The following RASGEF1C variants were observed in gnomAD, a reference collection of about 807,000 sequenced individuals.
The protein encoded by RASGEF1C is RasGEF domain family member 1C.
RASGEF1C carries 27 observed loss-of-function variants against 58.1 expected under a neutral mutation model. That is an observed-to-expected ratio of 0.46 (90% CI 0.34 to 0.64). RASGEF1C has a LOEUF of 0.64. RASGEF1C is among the 30% of genes least tolerant of loss of function. RASGEF1C has a pLI of 0.01. For synonymous variants in RASGEF1C, 243 were observed against 246.3 expected (o/e 0.99, Z 0.13); for missense variants, 502 against 605.1 (o/e 0.83, Z 1.79).
At chr5:180,136,355 G>A (rs1417171677) in intron 4 of RASGEF1C, 23 bp downstream of exon 4, 11 of 1,546,490 alleles carry the variant, frequency 7.1e-6, no homozygotes, top group African/African-American at 1.4e-5. Flanking sequence ...CCAGGGTGAC[G>A]CGACCCCCGC....
intron 12 of RASGEF1C, among the ~76,000 whole-genome samples, chr5:180,107,647 C>T (rs1022050265): frequency 1.3e-4 from 20 of 152,072 alleles, no homozygotes; most frequent in East Asian, 5.8e-4. Flanking sequence ...CTTGCTCTGT[C>T]ACCCAGGCTG....
intron 1 of RASGEF1C, among the ~76,000 whole-genome samples, chr5:180,159,305 A>T (rs1018859062): frequency 2.0e-5 from 3 of 151,596 alleles, no homozygotes; most frequent in African/African-American, 7.3e-5. Context: ...ACGCCCGGCT[A>T]ATTTTTTGTA....
intron 1 of RASGEF1C, among the ~76,000 whole-genome samples, chr5:180,199,343 C>T (rs887308588): frequency 3.3e-5 from 5 of 152,156 alleles, no homozygotes; most frequent in South Asian, 2.1e-4. Flanking sequence ...CAAAAAGACA[C>T]GGCAAACATC....
intron 1 of RASGEF1C, among the ~76,000 whole-genome samples, chr5:180,180,820 G>A (rs1156297729): frequency 6.6e-6 from 1 of 152,226 alleles, no homozygotes; most frequent in East Asian, 1.9e-4. Context: ...CAGGCCACCA[G>A]CACCCAGATT....
intron 7 of RASGEF1C, among the ~76,000 whole-genome samples, chr5:180,120,066 G>A (rs1766143152): frequency 6.6e-6 from 1 of 152,102 alleles, no homozygotes; most frequent in Non-Finnish European, 1.5e-5. Context: ...CGGCGTGAGG[G>A]TAGGAAGTGG....
intron 1 of RASGEF1C, among the ~76,000 whole-genome samples, chr5:180,153,451 G>GC (rs930333977): frequency 1.3e-5 from 2 of 152,158 alleles, no homozygotes; most frequent in African/African-American, 4.8e-5. Context: ...CTCCTCTGGA[G>GC]CTGCAAGCTT....
chr5:180,207,509 G>A (rs1756509267), intron 1 of RASGEF1C, among the ~76,000 whole-genome samples: 1 of 152,168 alleles, frequency 6.6e-6, no homozygotes, highest in Non-Finnish European at 1.5e-5. Context: ...GGACATGGCA[G>A]GAGGGTGCAG....
At chr5:180,180,458 C>A (rs1165623457) in intron 1 of RASGEF1C, among the ~76,000 whole-genome samples, 1 of 152,252 alleles carries the variant, frequency 6.6e-6, no homozygotes, top group Non-Finnish European at 1.5e-5. Context: ...GTCAGACTGA[C>A]ATGTGCACAG....
At chr5:180,200,122 C>T (rs1756358323) in intron 1 of RASGEF1C, among the ~76,000 whole-genome samples, 3 of 151,658 alleles carry the variant, frequency 2.0e-5, no homozygotes, top group East Asian at 3.9e-4. Flanking sequence ...TATCTGGGCA[C>T]GGTGGCATGT....
chr5:180,127,589 A>T lies in RASGEF1C; in HGVS notation c.714+20T>A. On this transcript the variant is annotated intron_variant, in intron 6 of 13. Transcript: ENST00000361132. Reference sequence around the variant, plus strand: ...ACTGGGTGAGGCTCACTTTTGGGACAGCCCGTAAGAGCCTCCTACCTTTGT... The same window carrying T: ...ACTGGGTGAGGCTCACTTTTGGGACTGCCCGTAAGAGCCTCCTACCTTTGT... 4 of 1,597,488 alleles carry T rather than the reference A, an allele frequency of 2.5e-6. No homozygotes were observed. Among genetic ancestry groups the T allele is most frequent in the Non-Finnish European group, 3.4e-6 (4 of 1,173,234 alleles).
At chr5:180,203,628 C>T (rs1439031448) in intron 1 of RASGEF1C, among the ~76,000 whole-genome samples, 3 of 150,744 alleles carry the variant, frequency 2.0e-5, no homozygotes, top group Admixed American at 6.7e-5. Flanking sequence ...GCTAATAAGC[C>T]ATGCGTTGCT....
Position 180,209,066 on chromosome 5 carries a change from G to T in RASGEF1C, c.-45C>A, listed in dbSNP as rs933703189. The stretch of plus-strand genomic sequence containing the variant: ...GCCGGAACTCCGGGCCCGGCCCATG[G>T]GCAGCTCCCGGTGCGAGCCTCGGCG... On this transcript the variant is annotated 5_prime_UTR_variant, in exon 1 of 14. Transcript: ENST00000361132. 6.9e-6 allele frequency: 1 copy of T among 145,116 alleles called. No homozygotes were observed. The highest frequency in any genetic ancestry group is 2.5e-5 in the African/African-American group (1 of 39,700). The allele number at this position is 145,116 out of a possible 1,614,324, so 9.0% of individuals were successfully genotyped here.
intron 11 of RASGEF1C, among the ~76,000 whole-genome samples, chr5:180,113,629 CG>C (rs1326993095): frequency 4.2e-4 from 29 of 68,440 alleles, no homozygotes; most frequent in East Asian, 1.1e-3. Flanking sequence ...CGGAGGGATC[CG>C]GGGATGGACG....
intron 13 of RASGEF1C, 131 bp downstream of exon 13, chr5:180,101,940 G>A (rs987240699): frequency 1.8e-5 from 12 of 682,712 alleles, no homozygotes; most frequent in Middle Eastern, 7.8e-4. Context: ...CTGGTGAGCC[G>A]GGTATCTCTG....
chr5:180,202,489 C>G (rs1756411637), intron 1 of RASGEF1C, among the ~76,000 whole-genome samples: 1 of 152,002 alleles, frequency 6.6e-6, no homozygotes, highest in African/African-American at 2.4e-5. Context: ...CTTTGGAGCT[C>G]CAGAAAAACA....
intron 1 of RASGEF1C, among the ~76,000 whole-genome samples, chr5:180,142,662 A>G (rs1254977236): frequency 1.3e-5 from 2 of 152,136 alleles, no homozygotes; most frequent in African/African-American, 4.8e-5. Context: ...ATAACACAGA[A>G]AACAGTGTGG....
Position 180,181,361 on chromosome 5 carries a change from G to A in RASGEF1C, c.-7+27667C>T, listed in dbSNP as rs1183630947. Among the ~76,000 whole-genome samples the A allele has an allele frequency of 2.0e-5, 3 of 152,346 alleles. No individual in the cohort carries two copies. The East Asian group carries it at 5.8e-4, about 29-fold the overall frequency. On this transcript the variant is annotated intron_variant, in intron 1 of 13. Transcript: ENST00000361132. Reference sequence around the variant, plus strand: ...CACTAGCATTGTCGTCGGTTGGACTGAGTCCCTCCTAAACAGATGACTGAA... The same window carrying A: ...CACTAGCATTGTCGTCGGTTGGACTAAGTCCCTCCTAAACAGATGACTGAA...
intron 3 of RASGEF1C, 182 bp from the exon 4 acceptor site, chr5:180,136,697 C>T (rs1449285731): frequency 4.8e-6 from 3 of 627,484 alleles, no homozygotes; most frequent in South Asian, 2.1e-5. Flanking sequence ...GGGGGACGGA[C>T]ACATTTCTGG....
In RASGEF1C at chr5:180,111,443, C is replaced by T. The variant is rs28578757; in HGVS notation, c.1303+14G>A. On this transcript the variant is annotated intron_variant, in intron 12 of 13. Coordinates refer to ENST00000361132, the MANE Select transcript of RASGEF1C (RefSeq NM_175062.4). ...CGTGGCCCAGTAGGCAGGAGGGCTGCAGGGCTACCTTACCATCCTCACTGA... is the reference window on the plus strand; with the variant it reads ...CGTGGCCCAGTAGGCAGGAGGGCTGTAGGGCTACCTTACCATCCTCACTGA... The T allele has an allele frequency of 2.8e-3, 4,576 of 1,614,098 alleles. 118 individuals are homozygous for T. The African/African-American group carries it at 0.054, about 19-fold the overall frequency.
Sources: allele counts gnomAD v4.1 joint callset (sites outside exome capture counted in the v4.1 genomes callset), GRCh38; gene constraint gnomAD v4.1.1; transcripts MANE v1.5; gene names NCBI Gene and HGNC (gene_info 2026-07-23, HGNC 2026-07-21).